Variants in NELFB observed in about 807,000 individuals in gnomAD.
NELFB encodes the protein negative elongation factor complex member B.
NELFB carries 34 observed loss-of-function variants against 60.2 expected under a neutral mutation model. The ratio of observed to expected loss-of-function variants is 0.56; its 90% CI spans 0.43 to 0.75. The LOEUF is 0.75. Among genes scored for constraint, NELFB ranks in the 30% least tolerant of loss-of-function variants. The pLI, the probability that NELFB is intolerant of heterozygous loss-of-function variation, is 0.00. For missense variants in NELFB, 770 were observed against 831.6 expected (o/e 0.93, Z 0.91); for synonymous variants, 459 against 382.1 (o/e 1.20, Z -2.35).
intron 5 of NELFB, among the ~76,000 whole-genome samples, 191 bp from the exon 6 acceptor site, chr9:137,264,054 T>C (rs900857083): frequency 6.6e-6 from 1 of 152,210 alleles, no homozygotes; most frequent in African/African-American, 2.4e-5. Flanking sequence ...TCTCCACCAC[T>C]GTCCTGACCC....
At chr9:137,262,324 C>A (rs780171322) in intron 4 of NELFB, among the ~76,000 whole-genome samples, 2 of 152,188 alleles carry the variant, frequency 1.3e-5, no homozygotes, top group African/African-American at 2.4e-5. Context: ...CCGCTAGACC[C>A]TGGTCCGCCT....
At chr9:137,259,042 TAAGC>T (rs1174438520) in intron 4 of NELFB, among the ~76,000 whole-genome samples, 5 of 152,040 alleles carry the variant, frequency 3.3e-5, no homozygotes, top group Non-Finnish European at 5.9e-5. Flanking sequence ...AAAAAAAAAT[TAAGC>T]TAAGCATGGT....
intron 7 of NELFB, 90 bp from the exon 8 acceptor site, chr9:137,266,241 A>G (rs999294105): frequency 1.6e-5 from 19 of 1,161,196 alleles, no homozygotes; most frequent in Non-Finnish European, 2.3e-5. Context: ...TGGGCACCAG[A>G]GATCCTGCTG....
At chr9:137,261,294 C>A (rs1180436817) in intron 4 of NELFB, among the ~76,000 whole-genome samples, 2 of 146,462 alleles carry the variant, frequency 1.4e-5, no homozygotes, top group Non-Finnish European at 3.0e-5. Flanking sequence ...GAGCTGAGAT[C>A]ACGCCACTGC....
At chr9:137,256,122 C>T (rs571518027) in intron 2 of NELFB, 52 bp downstream of exon 2, 10 of 1,568,984 alleles carry the variant, frequency 6.4e-6, no homozygotes, top group Non-Finnish European at 8.8e-6. Context: ...GCCTCTCAGC[C>T]TTGGATCGAC....
chr9:137,260,844 A>AG, intron 4 of NELFB, among the ~76,000 whole-genome samples: 1 of 151,416 alleles, frequency 6.6e-6, no homozygotes, highest in East Asian at 2.0e-4. Context: ...GTGGATCACG[A>AG]GGTCAGGAGT....
intron 4 of NELFB, among the ~76,000 whole-genome samples, chr9:137,258,373 A>C (rs372147614): frequency 2.0e-5 from 3 of 150,442 alleles, no homozygotes; most frequent in South Asian, 4.3e-4. Context: ...ATCTGTCTGC[A>C]CACCTCAGCC....
chr9:137,259,365 G>A (rs950473465), intron 4 of NELFB, among the ~76,000 whole-genome samples: 1 of 152,208 alleles, frequency 6.6e-6, no homozygotes, highest in Non-Finnish European at 1.5e-5. Flanking sequence ...CCATGTGCGT[G>A]GGCAGCAGCA....
Position 137,263,152 on chromosome 9 carries a change from G to C in NELFB, c.857G>C (p.Arg286Pro). 1 of 1,614,010 alleles carries C rather than the reference G, an allele frequency of 6.2e-7. No homozygotes were observed. Among genetic ancestry groups the C allele is most frequent in the South Asian group, 1.1e-5 (1 of 91,092 alleles). Reference sequence around the variant, plus strand: ...CGGAATGTGCACTACTGCACGCTGCGGGCTGAGCTGCTCATGTCCCTGCAC... The same window carrying C: ...CGGAATGTGCACTACTGCACGCTGCCGGCTGAGCTGCTCATGTCCCTGCAC... Residue 286 changes from arginine (R) to proline (P), a missense_variant, in exon 5 of 13, where the codon CGG becomes CCG. Arg to Pro is a moderately radical substitution (Grantham distance 103, BLOSUM62 -2). Coordinates refer to ENST00000343053, the MANE Select transcript of NELFB (RefSeq NM_015456.5).
chr9:137,257,061 G>A lies in NELFB; in HGVS notation c.741+7G>A. On this transcript the variant is annotated splice_region_variant and intron_variant, in intron 4 of 12. Transcript: ENST00000343053. The stretch of plus-strand genomic sequence containing the variant: ...GACCAGGCGCCAGGGCGAGGTGAGG[G>A]GACAGGCCGTGTGCGGGGTGGGGCA... 1 of 1,608,270 alleles carries A rather than the reference G, an allele frequency of 6.2e-7. No homozygotes were observed. Among genetic ancestry groups the A allele is most frequent in the Non-Finnish European group, 8.5e-7 (1 of 1,176,662 alleles).
In NELFB at chr9:137,255,966, C is replaced by T. The variant is rs1837544419; in HGVS notation, c.306C>T (p.His102=). The T allele has an allele frequency of 8.7e-6, 14 of 1,613,982 alleles. No homozygotes were observed. The highest frequency in any genetic ancestry group is 4.4e-5 in the South Asian group (4 of 91,084). ...CAGCCCTCCCCTTCTTGGACCTGCA[C>T]GGGACGCCGCGGCTGGAGTTCCACC... The change falls in exon 2 of 13, where the codon CAC becomes CAT. Residue 102 remains histidine, a synonymous_variant. Transcript: ENST00000343053.
chr9:137,259,733 TA>T (rs1351938630), intron 4 of NELFB, among the ~76,000 whole-genome samples: 2 of 151,152 alleles, frequency 1.3e-5, no homozygotes, highest in Non-Finnish European at 3.0e-5. Context: ...TTTATTTATT[TA>T]TTTTTTTGGA....
rs530611986 is a variant in NELFB, at chr9:137,256,187, G to C, written c.410+117G>C. ...ACATCCTTGCTCCCAGAGGTGGCCT[G>C]GGCCTGTGTCTGAGTGACCCCTTGA... On this transcript the variant is annotated intron_variant, in intron 2 of 12. Transcript: ENST00000343053. The C allele has an allele frequency of 1.0e-4, 142 of 1,386,116 alleles. No homozygotes were observed. In the East Asian group the frequency reaches 2.8e-3, roughly 28 times the overall value. The allele number at this position is 1,386,116 out of a possible 1,614,324, so 85.9% of individuals were successfully genotyped here.
chr9:137,273,077 TGCTCCTTGGAGCTG>T lies in NELFB; in HGVS notation c.*155_*168del. Reference sequence around the variant, plus strand: ...CCTGCCGTCATGGCCCCCTGCTTCCTGCTCCTTGGAGCTGGCTCCCGGACCTTGCCCACCATCCA... The same window carrying T: ...CCTGCCGTCATGGCCCCCTGCTTCCTGCTCCCGGACCTTGCCCACCATCCA... On this transcript the variant is annotated 3_prime_UTR_variant, in exon 13 of 13. Coordinates refer to ENST00000343053, the MANE Select transcript of NELFB (RefSeq NM_015456.5). 1.1e-6 allele frequency: 1 copy of T among 885,114 alleles called. No individual in the cohort carries two copies. The highest frequency in any genetic ancestry group is 1.6e-6 in the Non-Finnish European group (1 of 615,648). 54.8% of individuals were successfully genotyped at this position (885,114 alleles called of 1,614,324 possible).
intron 10 of NELFB, 55 bp downstream of exon 10, chr9:137,267,401 G>A (rs1564445006): frequency 1.3e-6 from 2 of 1,519,408 alleles, no homozygotes; most frequent in African/African-American, 1.4e-5. Context: ...GCTGCCGTAT[G>A]CAGTCCTGCC....
In NELFB at chr9:137,266,351, G is replaced by A. The variant is rs771286621; in HGVS notation, c.1164G>A (p.Leu388=). The change falls in exon 8 of 13, where the codon CTG becomes CTA. Residue 388 remains leucine, a synonymous_variant. Coordinates refer to ENST00000343053, the MANE Select transcript of NELFB (RefSeq NM_015456.5). ...TACAGGACAGCCCCGACCTCCTGCT[G>A]CTGCTCCGGCTGCTGGCGCTGGGCC... 1.9e-6 allele frequency: 3 copies of A among 1,612,808 alleles called. No individual in the cohort carries two copies. Among genetic ancestry groups the A allele is most frequent in the African/African-American group, 2.7e-5 (2 of 74,948 alleles).
rs575038268 is a variant in NELFB, at chr9:137,272,544, A to G, written c.1669A>G (p.Ile557Val). The G allele has an allele frequency of 2.4e-5, 39 of 1,612,380 alleles. No homozygotes were observed. The South Asian group carries it at 4.1e-4, about 17-fold the overall frequency. Residue 557 changes from isoleucine (I) to valine (V), a missense_variant, in exon 12 of 13, where the codon ATT (isoleucine) becomes GTT (valine). By Grantham distance (29) the Ile-to-Val change is conservative (BLOSUM62 3). Coordinates refer to ENST00000343053, the MANE Select transcript of NELFB (RefSeq NM_015456.5). ...GCACCGGCACGCGCTGCGGCTCCTC[A>G]TTCACCTGCACCCCAGGGTGGCCCC...
Position 137,256,313 on chromosome 9 carries a change from C to A in NELFB, c.411-16C>A. On this transcript the variant is annotated splice_polypyrimidine_tract_variant and intron_variant, in intron 2 of 12. Coordinates refer to ENST00000343053, the MANE Select transcript of NELFB (RefSeq NM_015456.5). The stretch of plus-strand genomic sequence containing the variant: ...TTGGCGCATCGCTGCACCATCAATC[C>A]TGTGAGTTGTTCCAGGTACAAGAAG... The A allele has an allele frequency of 6.2e-7, 1 of 1,611,254 alleles. No individual in the cohort carries two copies. The highest frequency in any genetic ancestry group is 8.5e-7 in the Non-Finnish European group (1 of 1,177,668).
chr9:137,255,807 A>G (rs1837541218), intron 1 of NELFB, 100 bp from the exon 2 acceptor site: 13 of 1,546,850 alleles, frequency 8.4e-6, no homozygotes, highest in Non-Finnish European at 1.1e-5. Flanking sequence ...TACCGCCAGC[A>G]CGGCTGGGAA....
Sources: allele counts gnomAD v4.1 joint callset (sites outside exome capture counted in the v4.1 genomes callset), GRCh38; gene constraint gnomAD v4.1.1; transcripts MANE v1.5; gene names NCBI Gene and HGNC (gene_info 2026-07-23, HGNC 2026-07-21).